Variants in MOSMO observed in about 807,000 individuals in gnomAD.
MOSMO encodes the protein modulator of smoothened protein.
In MOSMO, 5 loss-of-function variants were observed where a neutral mutation model predicts 18.4. The observed-to-expected ratio is 0.27, with a 90% CI of 0.14 to 0.57. The LOEUF is 0.57. Ranked by LOEUF, MOSMO falls within the 20% of genes least tolerant of loss-of-function variation. The pLI, the probability that MOSMO is intolerant of heterozygous loss-of-function variation, is 0.92. For missense variants in MOSMO, 138 were observed against 211.8 expected (o/e 0.65, Z 2.16); for synonymous variants, 82 against 82.3 (o/e 1.00, Z 0.02).
intron 1 of MOSMO, among the ~76,000 whole-genome samples, chr16:22,032,810 A>G (rs1900023021): frequency 6.6e-6 from 1 of 152,108 alleles, no homozygotes; most frequent in South Asian, 2.1e-4. Flanking sequence ...GACCTCCCAA[A>G]GTCTCGGCAT....
intron 1 of MOSMO, among the ~76,000 whole-genome samples, chr16:22,055,902 A>T (rs1368016122): frequency 6.6e-6 from 1 of 152,192 alleles, no homozygotes; most frequent in South Asian, 2.1e-4. Flanking sequence ...ATGACTTTTC[A>T]TTATGCCTCT....
At chr16:22,053,873 A>G (rs1005456150) in intron 1 of MOSMO, among the ~76,000 whole-genome samples, 1 of 152,152 alleles carries the variant, frequency 6.6e-6, no homozygotes, top group Non-Finnish European at 1.5e-5. Context: ...TTGAAAGGAA[A>G]TGTACTTATC....
chr16:22,051,425 A>G (rs968516435), intron 1 of MOSMO, among the ~76,000 whole-genome samples: 1 of 152,164 alleles, frequency 6.6e-6, no homozygotes, highest in East Asian at 1.9e-4. Flanking sequence ...AAATTTCTAC[A>G]TACAAAAAAA....
Position 22,075,713 on chromosome 16 carries a change from GCTTA to G in MOSMO, c.319+17_319+20del. On this transcript the variant is annotated intron_variant, in intron 2 of 2. Transcript: ENST00000542527. ...CATTCACTGGAAGTAAGTAACCTGTGCTTACTAAATTTGTCTAGAAGGCACCCAC... is the reference window on the plus strand; with the variant it reads ...CATTCACTGGAAGTAAGTAACCTGTGCTAAATTTGTCTAGAAGGCACCCAC... The G allele has an allele frequency of 7.5e-7, 1 of 1,325,468 alleles. No individual in the cohort carries two copies. The highest frequency in any genetic ancestry group is 9.8e-7 in the Non-Finnish European group (1 of 1,020,936). The allele number at this position is 1,325,468 out of a possible 1,614,324, so 82.1% of individuals were successfully genotyped here.
intron 1 of MOSMO, among the ~76,000 whole-genome samples, chr16:22,058,361 G>A (rs1488372460): frequency 6.6e-6 from 1 of 151,792 alleles, no homozygotes; most frequent in Non-Finnish European, 1.5e-5. Context: ...AGGAGGCGGA[G>A]GTTGCAGTGA....
At chr16:22,065,245 C>T (rs1365759561) in intron 1 of MOSMO, among the ~76,000 whole-genome samples, 1 of 152,080 alleles carries the variant, frequency 6.6e-6, no homozygotes, top group African/African-American at 2.4e-5. Flanking sequence ...TCTTTTAAAT[C>T]GGGATAGAGG....
intron 1 of MOSMO, among the ~76,000 whole-genome samples, chr16:22,072,468 G>T (rs1900873956): frequency 6.6e-6 from 1 of 152,200 alleles, no homozygotes; most frequent in South Asian, 2.1e-4. Flanking sequence ...CATATTAGTT[G>T]TTGAATCTCT....
At chr16:22,068,731 T>A (rs988736861) in intron 1 of MOSMO, among the ~76,000 whole-genome samples, 6 of 152,222 alleles carry the variant, frequency 3.9e-5, no homozygotes, top group Non-Finnish European at 8.8e-5. Flanking sequence ...GCTGAAAAAT[T>A]CATTGTATGG....
At chr16:22,028,174 A>G (rs1899914530) in intron 1 of MOSMO, among the ~76,000 whole-genome samples, 1 of 152,132 alleles carries the variant, frequency 6.6e-6, no homozygotes, top group Non-Finnish European at 1.5e-5. Flanking sequence ...TCAAGTTTTC[A>G]GAATATAATC....
At chr16:22,072,663 T>A (rs1415393920) in intron 1 of MOSMO, among the ~76,000 whole-genome samples, 1 of 152,048 alleles carries the variant, frequency 6.6e-6, no homozygotes, top group Admixed American at 6.5e-5. Context: ...TACAAAAAAA[T>A]TAGCCGGGCG....
intron 1 of MOSMO, among the ~76,000 whole-genome samples, chr16:22,061,702 G>A (rs1900648440): frequency 6.6e-6 from 1 of 152,150 alleles, no homozygotes; most frequent in African/African-American, 2.4e-5. Context: ...CATAGCTCAT[G>A]GTGTGGTGCT....
chr16:22,014,521 G>A (rs1372553619), intron 1 of MOSMO, among the ~76,000 whole-genome samples: 2 of 152,124 alleles, frequency 1.3e-5, no homozygotes, highest in Non-Finnish European at 2.9e-5. Flanking sequence ...TCAGATAAGG[G>A]ACTGTGGTGC....
At chr16:22,071,236 AGAG>A (rs1204566567) in intron 1 of MOSMO, among the ~76,000 whole-genome samples, 1 of 152,188 alleles carries the variant, frequency 6.6e-6, no homozygotes, top group Non-Finnish European at 1.5e-5. Context: ...GAGCCCCGTG[AGAG>A]GAGGAGAGCA....
chr16:22,065,965 A>T (rs1215368275), intron 1 of MOSMO, among the ~76,000 whole-genome samples: 3 of 152,258 alleles, frequency 2.0e-5, no homozygotes, highest in Admixed American at 2.0e-4. Flanking sequence ...GCAACAATTG[A>T]AGGAGCATTC....
At chr16:22,054,070 A>T (rs549472170) in intron 1 of MOSMO, among the ~76,000 whole-genome samples, 1 of 150,792 alleles carries the variant, frequency 6.6e-6, no homozygotes, top group Non-Finnish European at 1.5e-5. Flanking sequence ...GCCAAACCAT[A>T]TAAGAAATAA....
chr16:22,084,824 G>A (rs890860476), downstream of MOSMO, among the ~76,000 whole-genome samples: 3 of 152,068 alleles, frequency 2.0e-5, no homozygotes, highest in East Asian at 1.9e-4. Flanking sequence ...TTTGCTCACC[G>A]CTAGAGAAGA....
At chr16:22,030,461 C>T (rs1899970569) in intron 1 of MOSMO, among the ~76,000 whole-genome samples, 1 of 152,168 alleles carries the variant, frequency 6.6e-6, no homozygotes, top group East Asian at 1.9e-4. Context: ...GTGCATATTT[C>T]TTAGGCAAAT....
At chr16:22,029,995 T>C (rs764481087) in intron 1 of MOSMO, among the ~76,000 whole-genome samples, 1 of 152,182 alleles carries the variant, frequency 6.6e-6, no homozygotes, top group Non-Finnish European at 1.5e-5. Context: ...CAAAATATTG[T>C]TTTCTTCTGA....
intron 1 of MOSMO, among the ~76,000 whole-genome samples, chr16:22,013,837 A>G (rs1048842137): frequency 2.0e-5 from 3 of 148,114 alleles, no homozygotes; most frequent in African/African-American, 7.5e-5. Context: ...AGATATTTTC[A>G]TTCTTGTTGT....
Sources: allele counts gnomAD v4.1 joint callset (sites outside exome capture counted in the v4.1 genomes callset), GRCh38; gene constraint gnomAD v4.1.1; transcripts MANE v1.5; gene names NCBI Gene and HGNC (gene_info 2026-07-23, HGNC 2026-07-21).